EPSTI1: variants seen among roughly 807,000 people sequenced by gnomAD.
EPSTI1 encodes the protein epithelial-stromal interaction protein 1.
EPSTI1 carries 66 observed loss-of-function variants against 49.9 expected under a neutral mutation model. That is an observed-to-expected ratio of 1.32 (90% CI 1.08 to 1.62). The LOEUF (loss-of-function observed/expected upper bound fraction) is 1.62, where lower values mean the gene tolerates loss of function less well. Ranked by LOEUF, EPSTI1 falls within the 40% of genes most tolerant of loss-of-function variation. EPSTI1 has a pLI of 0.00. For missense variants in EPSTI1, 394 were observed against 365.5 expected, an observed-to-expected ratio of 1.08 and a Z score of -0.64; for synonymous variants, 137 against 130.7, an observed-to-expected ratio of 1.05 and a Z score of -0.33.
intron 6 of EPSTI1, among the ~76,000 whole-genome samples, chr13:42,945,627 T>C (rs1002585369): frequency 1.3e-5 from 2 of 152,082 alleles, no homozygotes; most frequent in African/African-American, 4.8e-5. Context: ...TGTAAGACAA[T>C]GAAGAGACTG....
In EPSTI1 at chr13:42,922,479, C is replaced by T. The variant is rs73468079; in HGVS notation, c.657+3857G>A. ...CATGCAGCCGTGTGCCAAGGGTTTG[C>T]GGGGACAGGGGACAGATGCCCCCCG... On this transcript the variant is annotated intron_variant, in intron 7 of 10. Coordinates refer to ENST00000313624, the MANE Select transcript of EPSTI1 (RefSeq NM_033255.5). The surrounding 1 kb of genome is among the most constrained non-coding windows in gnomAD (Gnocchi z 4.8). Among the ~76,000 whole-genome samples the T allele has an allele frequency of 3.3e-5, 5 of 151,468 alleles. No homozygotes were observed. The highest frequency in any genetic ancestry group is 2.1e-4 in the South Asian group (1 of 4,804).
intron 7 of EPSTI1, among the ~76,000 whole-genome samples, chr13:42,924,421 G>T (rs1015816839): frequency 1.3e-5 from 2 of 152,250 alleles, no homozygotes; most frequent in East Asian, 3.9e-4. Flanking sequence ...AATTCAGGAC[G>T]ATCTTGTTAA....
chr13:42,918,438 A>G (rs577943099), intron 7 of EPSTI1, among the ~76,000 whole-genome samples: 4 of 152,364 alleles, frequency 2.6e-5, no homozygotes, highest in Non-Finnish European at 5.9e-5. Context: ...AACTATCAGC[A>G]GCTTCATGGC....
chr13:42,972,075 T>A (rs1020818126), intron 1 of EPSTI1, among the ~76,000 whole-genome samples: 10 of 152,206 alleles, frequency 6.6e-5, no homozygotes, highest in Admixed American at 6.5e-4. Context: ...CCCTGGAAAC[T>A]TGAATATGAT....
chr13:42,970,507 T>G (rs1278932591), intron 2 of EPSTI1, 105 bp downstream of exon 2: 1 of 949,400 alleles, frequency 1.1e-6, no homozygotes, highest in East Asian at 2.6e-5. Context: ...TTGATGAGAT[T>G]TGGTGAGTCT....
intron 1 of EPSTI1, among the ~76,000 whole-genome samples, chr13:42,986,735 A>T (rs2040086690): frequency 1.0e-5 from 1 of 100,128 alleles, no homozygotes. Context: ...ACACAGCAAG[A>T]TTCCATCTCA....
At chr13:42,973,810 TCTTGTCATTTC>T (rs2039819052) in intron 1 of EPSTI1, among the ~76,000 whole-genome samples, 1 of 152,188 alleles carries the variant, frequency 6.6e-6, no homozygotes. Context: ...CATTTCGCAT[TCTTGTCATTTC>T]CTGATTAAGC....
At position 42,981,336 on chromosome 13, in the gene EPSTI1, C is replaced by T. The variant is rs543676791; in HGVS notation, c.188+10642G>A. On this transcript the variant is annotated intron_variant, in intron 1 of 10. Transcript: ENST00000313624. ...CTCTACTGACTTTGAAGTAAGTAAC[C>T]TTACTGTGTAATTGAACTAAGTTTC... Among the ~76,000 whole-genome samples, 14 of 152,232 alleles carry T rather than the reference C, an allele frequency of 9.2e-5. No homozygotes were observed. The East Asian group carries it at 2.5e-3, about 27-fold the overall frequency.
intron 7 of EPSTI1, among the ~76,000 whole-genome samples, chr13:42,918,655 A>G (rs2037906194): frequency 6.6e-6 from 1 of 152,228 alleles, no homozygotes; most frequent in African/African-American, 2.4e-5. Context: ...AGAAGCTTTC[A>G]AAATGGTATC....
At chr13:42,984,968 T>C (rs2040052264) in intron 1 of EPSTI1, among the ~76,000 whole-genome samples, 1 of 152,176 alleles carries the variant, frequency 6.6e-6, no homozygotes, top group African/African-American at 2.4e-5. Context: ...GTAGGGTGTT[T>C]TAGAGACTGT....
intron 5 of EPSTI1, among the ~76,000 whole-genome samples, chr13:42,958,165 TGAG>T (rs1453959914): frequency 6.6e-6 from 1 of 151,874 alleles, no homozygotes; most frequent in African/African-American, 2.4e-5. Context: ...CACCAACAAA[TGAG>T]GAATCAGAGA....
At chr13:42,972,439 G>C (rs2039790846) in intron 1 of EPSTI1, among the ~76,000 whole-genome samples, 1 of 152,158 alleles carries the variant, frequency 6.6e-6, no homozygotes, top group African/African-American at 2.4e-5. Context: ...GAACATTTGG[G>C]ATAAAAGAAA....
chr13:42,895,629 G>A (rs2037168994), intron 9 of EPSTI1, among the ~76,000 whole-genome samples: 2 of 152,182 alleles, frequency 1.3e-5, no homozygotes, highest in Admixed American at 1.3e-4. Context: ...TATTTCTGGA[G>A]CTTGCTACCT....
chr13:42,925,566 T>A (rs1014814804), intron 7 of EPSTI1, among the ~76,000 whole-genome samples: 4 of 152,172 alleles, frequency 2.6e-5, no homozygotes, highest in Non-Finnish European at 4.4e-5. Flanking sequence ...CTGTCCCACC[T>A]GAATTTCCAG....
At chr13:42,911,435 C>A (rs904508596) in intron 8 of EPSTI1, among the ~76,000 whole-genome samples, 1 of 152,086 alleles carries the variant, frequency 6.6e-6, no homozygotes, top group Non-Finnish European at 1.5e-5. Context: ...TTTGAAGGAA[C>A]TTGCTTCTAA....
chr13:42,887,378 A>G lies in EPSTI1; in HGVS notation c.*1116T>C, dbSNP rs1302402700. ...CTTGGCCCAAGAATTTCAAAACCCC[A>G]TGTTTTCCTGAATAAAGAGATTCGG... On this transcript the variant is annotated 3_prime_UTR_variant, in exon 11 of 11. Coordinates refer to ENST00000313624, the MANE Select transcript of EPSTI1 (RefSeq NM_033255.5). 3.3e-5 allele frequency: 5 copies of G among 152,132 alleles called. No individual in the cohort carries two copies. The highest frequency in any genetic ancestry group is 1.3e-4 in the Admixed American group (2 of 15,274). 9.4% of individuals were successfully genotyped at this position (152,132 alleles called of 1,614,324 possible).
At chr13:42,979,317 G>A (rs554023088) in intron 1 of EPSTI1, among the ~76,000 whole-genome samples, 10 of 152,184 alleles carry the variant, frequency 6.6e-5, no homozygotes, top group Non-Finnish European at 1.3e-4. Flanking sequence ...AGTGGCTTAT[G>A]CCTGTAATCC....
At chr13:42,888,808 C>T (rs2036942113) in intron 10 of EPSTI1, among the ~76,000 whole-genome samples, 2 of 152,190 alleles carry the variant, frequency 1.3e-5, no homozygotes, top group Admixed American at 6.5e-5. Context: ...CACCCACCTA[C>T]ACAGTTACAG....
In EPSTI1 at chr13:42,953,958, G is replaced by T. The variant is rs142483764; in HGVS notation, c.553C>A (p.His185Asn). 54 of 1,612,196 alleles carry T rather than the reference G, an allele frequency of 3.3e-5. No homozygotes were observed. In the African/African-American group the frequency reaches 5.5e-4, roughly 16 times the overall value. The change falls in exon 6 of 11, where the codon CAT becomes AAT. Residue 185 changes from histidine to asparagine, a missense_variant. His to Asn is a moderately conservative substitution (Grantham distance 68, BLOSUM62 1). Coordinates refer to ENST00000313624, the MANE Select transcript of EPSTI1 (RefSeq NM_033255.5). Reference protein sequence around the residue: ...ENLRREAFREHQQYKTAEFLS... With the variant: ...ENLRREAFRENQQYKTAEFLS... ...AAAACATTAACTTACTATTGCTGAT[G>T]CTCTCTAAATGCTTCTCTTCTAAGG...
Sources: allele counts gnomAD v4.1 joint callset (sites outside exome capture counted in the v4.1 genomes callset), GRCh38; gene constraint gnomAD v4.1.1; non-coding constraint Gnocchi (gnomAD v3.1); transcripts MANE v1.5; gene names NCBI Gene and HGNC (gene_info 2026-07-23, HGNC 2026-07-21).